The following TGFBRAP1 variants were observed in gnomAD, a reference collection of about 807,000 sequenced individuals.
TGFBRAP1 encodes transforming growth factor-beta receptor-associated protein 1.
In TGFBRAP1, 20 loss-of-function variants were observed where a neutral mutation model predicts 83.2. That is an observed-to-expected ratio of 0.24 (90% CI 0.17 to 0.35). The LOEUF (loss-of-function observed/expected upper bound fraction) is 0.35. TGFBRAP1 is among the 10% of genes least tolerant of loss of function. TGFBRAP1 has a pLI of 1.00. For missense variants in TGFBRAP1, 950 were observed against 1,099.4 expected, an observed-to-expected ratio of 0.86 and a Z score of 1.92; for synonymous variants, 415 against 459.8, an observed-to-expected ratio of 0.90 and a Z score of 1.25.
intron 5 of TGFBRAP1, 96 bp from the exon 6 acceptor site, chr2:105,280,819 G>T: frequency 7.6e-7 from 1 of 1,313,638 alleles, no homozygotes; most frequent in Non-Finnish European, 1.0e-6. Context: ...GGTGGCACAC[G>T]TTCACAGGGG....
chr2:105,264,394 G>C (rs1203186683), downstream of TGFBRAP1: 1 of 152,190 alleles, frequency 6.6e-6, no homozygotes, highest in Non-Finnish European at 1.5e-5. Context: ...ACTAGGTATG[G>C]TGCGAGTGAA....
chr2:105,270,370 G>C (rs907588613), intron 10 of TGFBRAP1, among the ~76,000 whole-genome samples: 1 of 152,048 alleles, frequency 6.6e-6, no homozygotes, highest in Non-Finnish European at 1.5e-5. Context: ...TGTGTCTCAC[G>C]GGCAAAGTCA....
Position 105,308,101 on chromosome 2 carries a change from T to C in TGFBRAP1, c.201A>G (p.Lys67=). The change falls in exon 2 of 12, where the codon AAA becomes AAG. Residue 67 remains lysine (K), a synonymous_variant. Coordinates refer to ENST00000393359, the MANE Select transcript of TGFBRAP1 (RefSeq NM_004257.6). The part of the protein sequence containing the change: ...PAGPATFTAT[K]QLQRHLGFKK... ...TGAAGCCCAAGTGTCTCTGCAGCTG[T>C]TTGGTGGCAGTGAACGTGGCTGGCC... is the stretch of plus-strand genomic sequence containing the variant. 1 of 1,614,056 alleles carries C rather than the reference T, an allele frequency of 6.2e-7. No homozygotes were observed. Among genetic ancestry groups the C allele is most frequent in the Non-Finnish European group, 8.5e-7 (1 of 1,179,998 alleles).
At position 105,277,621 on chromosome 2, in the gene TGFBRAP1, G is replaced by A; in HGVS notation, c.1514C>T (p.Ala505Val). The A allele has an allele frequency of 6.2e-7, 1 of 1,613,982 alleles. No homozygotes were observed. The highest frequency in any genetic ancestry group is 8.5e-7 in the Non-Finnish European group (1 of 1,179,934). Reference sequence around the variant, plus strand: ...AAACCCTTCTAGACTCACCTGAACTGCAGCAGCATCTTGGTTATTATAATG... The same window carrying A: ...AAACCCTTCTAGACTCACCTGAACTACAGCAGCATCTTGGTTATTATAATG... ...LYHYNNQDAAAVQLWVNIVNG... is the reference protein window; with the variant it reads ...LYHYNNQDAAVVQLWVNIVNG... Residue 505 changes from alanine (A) to valine (V), a missense_variant, in exon 7 of 12, where the codon GCA becomes GTA. Physicochemically the swap from Ala to Val is moderately conservative, Grantham distance 64. Transcript: ENST00000393359.
downstream of TGFBRAP1, among the ~76,000 whole-genome samples, chr2:105,259,584 G>A (rs186333169): frequency 1.3e-4 from 20 of 152,250 alleles, no homozygotes; most frequent in African/African-American, 4.1e-4. Context: ...ATGTTGTAGA[G>A]GTTTATATGA....
chr2:105,284,144 G>A (rs1268977829), intron 5 of TGFBRAP1, among the ~76,000 whole-genome samples, 172 bp downstream of exon 5: 3 of 152,112 alleles, frequency 2.0e-5, no homozygotes, highest in East Asian at 3.9e-4. Flanking sequence ...GAGGGGTGAC[G>A]CTGAGGAACC....
intron 4 of TGFBRAP1, among the ~76,000 whole-genome samples, chr2:105,289,444 C>T (rs1247955252): frequency 1.3e-5 from 2 of 152,198 alleles, no homozygotes; most frequent in African/African-American, 4.8e-5. Flanking sequence ...CATTCCTGTC[C>T]CTGCCAGCAG....
intron 2 of TGFBRAP1, among the ~76,000 whole-genome samples, chr2:105,303,564 G>A (rs900481632): frequency 5.9e-5 from 9 of 152,146 alleles, no homozygotes; most frequent in Admixed American, 4.6e-4. Context: ...ATACATTTGC[G>A]TCCACGAGTT....
chr2:105,311,529 G>A (rs1207545686), intron 1 of TGFBRAP1, among the ~76,000 whole-genome samples: 1 of 151,848 alleles, frequency 6.6e-6, no homozygotes, highest in East Asian at 1.9e-4. Context: ...CGGCTTCAGT[G>A]AGCCATGATT....
the TGFBRAP1 span, among the ~76,000 whole-genome samples, chr2:105,254,709 T>C: frequency 9.2e-5 from 14 of 152,060 alleles, no homozygotes; most frequent in African/African-American, 3.1e-4. Context: ...CCTACTACTA[T>C]GGCATGAATT....
chr2:105,279,403 G>A (rs142810248), intron 6 of TGFBRAP1, among the ~76,000 whole-genome samples: 14 of 151,930 alleles, frequency 9.2e-5, no homozygotes, highest in African/African-American at 3.4e-4. Context: ...GACCACAGGC[G>A]TGAACCACCA....
At chr2:105,321,206 G>A (rs1166908642) in intron 1 of TGFBRAP1, among the ~76,000 whole-genome samples, 2 of 147,766 alleles carry the variant, frequency 1.4e-5, no homozygotes, top group African/African-American at 5.0e-5. Flanking sequence ...TTGCTTTGTT[G>A]CCCAGGCTGC....
At chr2:105,325,912 T>C (rs2104425774) in intron 1 of TGFBRAP1, among the ~76,000 whole-genome samples, 1 of 152,158 alleles carries the variant, frequency 6.6e-6, no homozygotes, top group Admixed American at 6.5e-5. Flanking sequence ...CCTTTGAAAA[T>C]GAAGATACTG....
intron 4 of TGFBRAP1, among the ~76,000 whole-genome samples, chr2:105,292,431 GCTC>G (rs1313766945): frequency 6.6e-6 from 1 of 152,136 alleles, no homozygotes; most frequent in Non-Finnish European, 1.5e-5. Flanking sequence ...TTCAAACACA[GCTC>G]CAAGTGGGGA....
chr2:105,283,068 A>T (rs1382564139), intron 5 of TGFBRAP1, among the ~76,000 whole-genome samples: 1 of 152,206 alleles, frequency 6.6e-6, no homozygotes, highest in African/African-American at 2.4e-5. Context: ...GGATACACCC[A>T]TGACCCCGGT....
At position 105,280,623 on chromosome 2, in the gene TGFBRAP1, C is replaced by A; in HGVS notation, c.1222G>T (p.Ala408Ser). ...CCCTGGGTCAGCTGGTTCAGGTCTGCGTACTCATGAAGAGGAGGGTGGGAC... is the reference window on the plus strand; with the variant it reads ...CCCTGGGTCAGCTGGTTCAGGTCTGAGTACTCATGAAGAGGAGGGTGGGAC... Reference protein sequence around the residue: ...TRSHPPLHEYADLNQLTQGDQ... With the variant: ...TRSHPPLHEYSDLNQLTQGDQ... The change falls in exon 6 of 12, where the codon GCA (alanine) becomes TCA (serine). Residue 408 changes from alanine (A) to serine (S), a missense_variant. Physicochemically the swap from Ala to Ser is moderately conservative, Grantham distance 99. Coordinates refer to ENST00000393359, the MANE Select transcript of TGFBRAP1 (RefSeq NM_004257.6). 4.3e-6 allele frequency: 7 copies of A among 1,614,070 alleles called. No homozygotes were observed. Among genetic ancestry groups the A allele is most frequent in the Non-Finnish European group, 5.9e-6 (7 of 1,180,024 alleles).
At chr2:105,252,989 C>G in the TGFBRAP1 span, among the ~76,000 whole-genome samples, 9 of 152,082 alleles carry the variant, frequency 5.9e-5, no homozygotes, top group African/African-American at 1.9e-4. Context: ...CTCCTGACCT[C>G]GTGATCTGCC....
chr2:105,308,497 C>G (rs1442672654), intron 1 of TGFBRAP1, among the ~76,000 whole-genome samples, 179 bp from the exon 2 acceptor site: 2 of 152,114 alleles, frequency 1.3e-5, no homozygotes, highest in Non-Finnish European at 2.9e-5. Context: ...CAGCAGAAGA[C>G]CCAAGAAGAA....
chr2:105,255,062 C>T, the TGFBRAP1 span, among the ~76,000 whole-genome samples: 4 of 152,122 alleles, frequency 2.6e-5, no homozygotes, highest in South Asian at 2.1e-4. Context: ...GACAGATACT[C>T]GGAGGCAAAC....
Sources: gnomAD v4.1 joint callset for allele counts (sites outside exome capture counted in the v4.1 genomes callset) on GRCh38, gnomAD v4.1.1 for gene constraint, MANE v1.5 for transcripts, NCBI Gene and HGNC (gene_info 2026-07-23, HGNC 2026-07-21) for gene names.